Variants in RBMS3 observed in about 807,000 individuals in gnomAD.
RBMS3 encodes RNA binding motif single stranded interacting protein 3.
In RBMS3, 27 loss-of-function variants were observed where a neutral mutation model predicts 66.8. That is an observed-to-expected ratio of 0.40 (90% CI 0.30 to 0.56). RBMS3 has a LOEUF of 0.56. Ranked by LOEUF, RBMS3 falls within the 20% of genes least tolerant of loss-of-function variation. RBMS3 has a pLI of 0.40. For synonymous variants in RBMS3, 188 were observed against 183.0 expected (o/e 1.03, Z -0.22); for missense variants, 513 against 549.5 (o/e 0.93, Z 0.66).
chr3:29,684,779 TACACACACACACACACACACACAC>T, intron 4 of RBMS3, among the ~76,000 whole-genome samples: 1 of 145,660 alleles, frequency 6.9e-6, no homozygotes, highest in East Asian at 2.0e-4. Flanking sequence ...GTTTGTTATG[TACACACACACACACACACACACAC>T]ACACACACAC....
At chr3:29,929,830 T>C (rs922293081) in intron 10 of RBMS3, among the ~76,000 whole-genome samples, 1 of 152,036 alleles carries the variant, frequency 6.6e-6, no homozygotes, top group African/African-American at 2.4e-5. Flanking sequence ...GTAGTCCAAA[T>C]ATCATGCCAA....
At chr3:29,680,498 C>T (rs925554029) in intron 4 of RBMS3, among the ~76,000 whole-genome samples, 1 of 152,168 alleles carries the variant, frequency 6.6e-6, no homozygotes, top group Non-Finnish European at 1.5e-5. Context: ...TCTAATTTCA[C>T]TTGGTGCAAA....
chr3:29,861,248 T>C (rs1327208153), intron 6 of RBMS3, among the ~76,000 whole-genome samples: 1 of 152,212 alleles, frequency 6.6e-6, no homozygotes, highest in African/African-American at 2.4e-5. Context: ...TCTACTCTTA[T>C]ACTAAGATTT....
chr3:29,328,143 C>T (rs898291276), intron 1 of RBMS3, among the ~76,000 whole-genome samples: 2 of 152,118 alleles, frequency 1.3e-5, no homozygotes, highest in Non-Finnish European at 2.9e-5. Context: ...TTGCAGAGTG[C>T]CTCTCCATTT....
chr3:29,950,559 C>A (rs1031706581), intron 12 of RBMS3, among the ~76,000 whole-genome samples: 41 of 151,826 alleles, frequency 2.7e-4, no homozygotes, highest in Admixed American at 1.6e-3. Context: ...TATGATTCAG[C>A]CCTTGCCAGA....
intron 11 of RBMS3, among the ~76,000 whole-genome samples, chr3:29,937,400 G>A (rs541721552): frequency 2.0e-5 from 3 of 151,912 alleles, no homozygotes; most frequent in African/African-American, 7.2e-5. Flanking sequence ...TATAGCAATG[G>A]CTTGCTTGCC....
At chr3:29,573,621 C>G (rs1011871489) in intron 3 of RBMS3, among the ~76,000 whole-genome samples, 1 of 152,048 alleles carries the variant, frequency 6.6e-6, no homozygotes, top group African/African-American at 2.4e-5. Context: ...TTAAATCATA[C>G]TTGCATTTTT....
At chr3:29,547,725 A>G (rs1377063104) in intron 3 of RBMS3, among the ~76,000 whole-genome samples, 1 of 151,910 alleles carries the variant, frequency 6.6e-6, no homozygotes, top group East Asian at 1.9e-4. Context: ...CCAAGTCTTC[A>G]GAGAATAGTC....
intron 3 of RBMS3, among the ~76,000 whole-genome samples, chr3:29,529,065 T>A (rs1459159838): frequency 6.6e-6 from 1 of 152,162 alleles, no homozygotes; most frequent in East Asian, 1.9e-4. Context: ...CTAGAAATTG[T>A]TTTAGTGGCA....
At chr3:29,704,268 G>A (rs1012215100) in intron 4 of RBMS3, among the ~76,000 whole-genome samples, 1 of 152,270 alleles carries the variant, frequency 6.6e-6, no homozygotes, top group African/African-American at 2.4e-5. Flanking sequence ...GTGCCGTAAA[G>A]GTTGGGGACC....
intron 4 of RBMS3, among the ~76,000 whole-genome samples, chr3:29,595,474 A>G (rs2047915233): frequency 6.6e-6 from 1 of 152,080 alleles, no homozygotes; most frequent in South Asian, 2.1e-4. Flanking sequence ...GCCTCTTTGA[A>G]GAGAATGTGT....
intron 6 of RBMS3, among the ~76,000 whole-genome samples, chr3:29,828,078 G>T (rs2058256580): frequency 1.3e-5 from 2 of 152,014 alleles, no homozygotes; most frequent in Non-Finnish European, 2.9e-5. Context: ...GTGTGTGTGT[G>T]TGAGAGAGAG....
intron 2 of RBMS3, among the ~76,000 whole-genome samples, chr3:29,457,878 G>A (rs1243806940): frequency 2.3e-5 from 3 of 132,344 alleles, no homozygotes; most frequent in African/African-American, 8.7e-5. Context: ...AACTATGATT[G>A]CCAGGTTGTC....
chr3:29,855,044 C>T (rs1222138145), intron 6 of RBMS3, among the ~76,000 whole-genome samples: 2 of 152,132 alleles, frequency 1.3e-5, no homozygotes, highest in Non-Finnish European at 2.9e-5. Flanking sequence ...TTGTGTCTTT[C>T]CATGGTTCAT....
chr3:29,517,563 T>C (rs150247723), intron 3 of RBMS3, among the ~76,000 whole-genome samples: 2,108 of 152,174 alleles, frequency 0.014, 47 homozygotes, highest in African/African-American at 0.048. Context: ...GACCTCGTGA[T>C]CCGCCTTCCT....
At chr3:29,359,063 G>T (rs2037401977) in intron 1 of RBMS3, among the ~76,000 whole-genome samples, 1 of 152,140 alleles carries the variant, frequency 6.6e-6, no homozygotes, top group Non-Finnish European at 1.5e-5. Context: ...AATTGCCCTG[G>T]CCAGAACTTC....
intron 1 of RBMS3, among the ~76,000 whole-genome samples, chr3:29,340,765 G>T (rs532084783): frequency 6.6e-6 from 1 of 152,202 alleles, no homozygotes; most frequent in East Asian, 1.9e-4. Context: ...CGCTTTTTCA[G>T]TTTGACAAGA....
In RBMS3 at chr3:29,575,695, C is replaced by T. The variant is rs143165400; in HGVS notation, c.308-11419C>T. On this transcript the variant is annotated intron_variant, in intron 3 of 14. Transcript: ENST00000383767. ...TGTCAGCATGCTTCATTGCTTTCTACTCTTTTTTGTCCCCTCTGATTGTGT... is the reference window on the plus strand; with the variant it reads ...TGTCAGCATGCTTCATTGCTTTCTATTCTTTTTTGTCCCCTCTGATTGTGT... Among the ~76,000 whole-genome samples the T allele has an allele frequency of 3.9e-4, 60 of 152,132 alleles. 1 individual carries two copies. In the Middle Eastern group the frequency reaches 0.031, roughly 78 times the overall value.
At chr3:29,898,944 A>G (rs1287298890) in intron 9 of RBMS3, among the ~76,000 whole-genome samples, 1 of 151,556 alleles carries the variant, frequency 6.6e-6, no homozygotes, top group African/African-American at 2.4e-5. Context: ...GATTACAGCA[A>G]TGATCGATGT....
Sources: gnomAD v4.1 joint callset for allele counts (sites outside exome capture counted in the v4.1 genomes callset) on GRCh38, gnomAD v4.1.1 for gene constraint, MANE v1.5 for transcripts, NCBI Gene and HGNC (gene_info 2026-07-23, HGNC 2026-07-21) for gene names.